The following GALNS variants were observed in gnomAD, a reference collection of about 807,000 sequenced individuals.
GALNS encodes N-acetylgalactosamine-6-sulfatase.
GALNS carries 65 observed loss-of-function variants against 65.9 expected under a neutral mutation model. The observed-to-expected ratio is 0.99, with a 90% CI of 0.81 to 1.21. The LOEUF (loss-of-function observed/expected upper bound fraction) is 1.21. Ranked by LOEUF, GALNS falls within the 50% of genes most tolerant of loss-of-function variation. The pLI, the probability that GALNS is intolerant of heterozygous loss-of-function variation, is 0.00. For synonymous variants in GALNS, 346 were observed against 288.9 expected, an observed-to-expected ratio of 1.20 and a Z score of -2.00; for missense variants, 776 against 700.7, an observed-to-expected ratio of 1.11 and a Z score of -1.21.
chr16:88,833,072 CT>C (rs1911680421), intron 8 of GALNS, among the ~76,000 whole-genome samples: 1 of 114,658 alleles, frequency 8.7e-6, no homozygotes, highest in East Asian at 2.7e-4. Context: ...AGCGAGACTC[CT>C]TCTCAAAAAA....
At chr16:88,838,172 C>G (rs1912341477) in intron 4 of GALNS, among the ~76,000 whole-genome samples, 1 of 152,184 alleles carries the variant, frequency 6.6e-6, no homozygotes, top group Non-Finnish European at 1.5e-5. Context: ...TGTGTCTCCT[C>G]TGGGTTTTCC....
chr16:88,853,406 T>C (rs1320153503), intron 1 of GALNS, among the ~76,000 whole-genome samples: 2 of 152,196 alleles, frequency 1.3e-5, no homozygotes, highest in African/African-American at 2.4e-5. Flanking sequence ...GGGATTATTA[T>C]GAAGACGAGC....
intron 4 of GALNS, among the ~76,000 whole-genome samples, chr16:88,838,333 T>C (rs1003678273): frequency 6.6e-6 from 1 of 152,150 alleles, no homozygotes; most frequent in Non-Finnish European, 1.5e-5. Context: ...CTGCCAGCTG[T>C]ACCCACATCC....
At position 88,824,713 on chromosome 16, in the gene GALNS, G is replaced by A. The variant is rs1471743362; in HGVS notation, c.1242+54C>T. 1.8e-5 allele frequency: 27 copies of A among 1,490,894 alleles called. 1 individual carries two copies. Among genetic ancestry groups the A allele is most frequent in the Non-Finnish European group, 2.3e-5 (25 of 1,069,914 alleles). The allele number at this position is 1,490,894 out of a possible 1,614,324, so 92.4% of individuals were successfully genotyped here. A position where few individuals can be genotyped will look rare whatever the true frequency, so the allele number is the denominator to read the frequency against. ...CCCCAGGACGGTGCTCAGGGGCCAC[G>A]TCTGGATAGAGATGGGGGCAGCTCC... On this transcript the variant is annotated intron_variant, in intron 11 of 13. Coordinates refer to ENST00000268695, the MANE Select transcript of GALNS (RefSeq NM_000512.5).
At chr16:88,834,633 GGCC>G (rs1911910921) in intron 8 of GALNS, among the ~76,000 whole-genome samples, 2 of 127,464 alleles carry the variant, frequency 1.6e-5, no homozygotes, top group Non-Finnish European at 3.6e-5. Flanking sequence ...GAGGCTGCAG[GGCC>G]CCCCCCCGCG....
intron 9 of GALNS, among the ~76,000 whole-genome samples, chr16:88,831,236 C>T (rs920918653): frequency 4.0e-5 from 6 of 149,750 alleles, no homozygotes; most frequent in South Asian, 2.2e-4. Flanking sequence ...GCACGGGGTG[C>T]GTGGGGAGGA....
intron 13 of GALNS, chr16:88,817,029 T>C (rs79554382): frequency 0.012 from 12,294 of 985,424 alleles, 93 homozygotes; most frequent in East Asian, 0.02. Flanking sequence ...GGCTCGTTTT[T>C]GCCGACTAGA....
intron 12 of GALNS, among the ~76,000 whole-genome samples, chr16:88,821,834 C>A (rs1597532914): frequency 6.6e-6 from 1 of 152,190 alleles, no homozygotes. Flanking sequence ...CCTGGGTCTT[C>A]CCAGGACCAA....
At chr16:88,833,158 A>C (rs1911698008) in intron 8 of GALNS, among the ~76,000 whole-genome samples, 1 of 151,642 alleles carries the variant, frequency 6.6e-6, no homozygotes. Flanking sequence ...AAGTCACCGC[A>C]GCTCCTTCCT....
In GALNS at chr16:88,856,841, G is replaced by C; in HGVS notation, c.37C>G (p.Leu13Val). 1 of 1,518,554 alleles carries C rather than the reference G, an allele frequency of 6.6e-7. No homozygotes were observed. The highest frequency in any genetic ancestry group is 2.6e-5 in the East Asian group (1 of 37,762). 94.1% of individuals were successfully genotyped at this position (1,518,554 alleles called of 1,614,324 possible). A position where few individuals can be genotyped will look rare whatever the true frequency, so the allele number is the denominator to read the frequency against. Residue 13 changes from leucine to valine, a missense_variant, in exon 1 of 14, where the codon CTG becomes GTG. Transcript: ENST00000268695. ...AVVAATRWWQ[L>V]LLVLSAAGMG... Reference sequence around the variant, plus strand: ...CCCGCGGCGCTGAGCACCAGCAACAGCTGCCACCACCTCGTCGCCGCGACA... The same window carrying C: ...CCCGCGGCGCTGAGCACCAGCAACACCTGCCACCACCTCGTCGCCGCGACA...
intron 1 of GALNS, chr16:88,855,638 G>T: frequency 1.6e-6 from 1 of 608,072 alleles, no homozygotes; most frequent in Non-Finnish European, 2.9e-6. Context: ...ATATCTTTAT[G>T]TTAAAAAACC....
In GALNS at chr16:88,835,836, A is replaced by G. The variant is rs747805226; in HGVS notation, c.647T>C (p.Phe216Ser). 5 of 1,614,100 alleles carry G rather than the reference A, an allele frequency of 3.1e-6. No individual in the cohort carries two copies. In the South Asian group the frequency reaches 5.5e-5, roughly 18 times the overall value. The change falls in exon 7 of 14, where the codon TTC (phenylalanine) becomes TCC (serine). Residue 216 changes from phenylalanine (F) to serine (S), a missense_variant. Coordinates refer to ENST00000268695, the MANE Select transcript of GALNS (RefSeq NM_000512.5). The stretch of plus-strand genomic sequence containing the variant: ...GTGGTGCCGTGCCTGTCTCTTAATG[A>G]AGTCCAGGGCTTCCTATGGAGAGAG... ...TQIYLQEALD[F>S]IKRQARHHPF...
At chr16:88,837,879 C>T (rs988188148) in intron 4 of GALNS, 114 bp from the exon 5 acceptor site, 1 of 1,098,400 alleles carries the variant, frequency 9.1e-7, no homozygotes, top group South Asian at 1.3e-5. Context: ...CACCCTCCAG[C>T]ACTGAGTATG....
intron 2 of GALNS, chr16:88,842,215 G>A (rs1597582541): frequency 4.9e-6 from 3 of 609,772 alleles, no homozygotes; most frequent in Non-Finnish European, 9.0e-6. Flanking sequence ...CCAAGACCCC[G>A]CCTCCTTTCG....
At chr16:88,816,034 C>T (rs758142094) in intron 13 of GALNS, 31 of 985,272 alleles carry the variant, frequency 3.1e-5, no homozygotes, top group East Asian at 1.1e-4. Flanking sequence ...AGGCTTCACA[C>T]GCGTGTCTGT....
intron 11 of GALNS, among the ~76,000 whole-genome samples, chr16:88,824,317 G>A (rs549889854): frequency 7.2e-5 from 11 of 152,162 alleles, no homozygotes; most frequent in African/African-American, 2.7e-4. Context: ...GGCGGCAGGA[G>A]CCCCAGGCCC....
chr16:88,835,116 C>G, intron 8 of GALNS, 97 bp downstream of exon 8: 1 of 1,470,428 alleles, frequency 6.8e-7, no homozygotes. Context: ...CCTTCATGCT[C>G]TGCCCACCAC....
At chr16:88,839,310 C>G (rs1048185087) in intron 4 of GALNS, among the ~76,000 whole-genome samples, 1 of 152,204 alleles carries the variant, frequency 6.6e-6, no homozygotes, top group Admixed American at 6.5e-5. Context: ...GGTCACCGCC[C>G]GGCCACAGGG....
In GALNS at chr16:88,841,953, G is replaced by A. The variant is rs2143005111; in HGVS notation, c.263C>T (p.Thr88Ile). The stretch of plus-strand genomic sequence containing the variant: ...GCCATTGCGGATGGGTAGCCGTCCT[G>A]TGAGCAGTGCCGCCCTCGCTATGTG... ...LCSPSRAALL[T>I]GRLPIRNGFY... Residue 88 changes from threonine (T) to isoleucine (I), a missense_variant, in exon 3 of 14, where the codon ACA becomes ATA. By Grantham distance (89) the Thr-to-Ile change is moderately conservative. Transcript: ENST00000268695. 6.2e-7 allele frequency: 1 copy of A among 1,613,398 alleles called. No homozygotes were observed. The highest frequency in any genetic ancestry group is 8.5e-7 in the Non-Finnish European group (1 of 1,179,714).
Sources: allele counts gnomAD v4.1 joint callset (sites outside exome capture counted in the v4.1 genomes callset), GRCh38; gene constraint gnomAD v4.1.1; transcripts MANE v1.5; gene names NCBI Gene and HGNC (gene_info 2026-07-23, HGNC 2026-07-21).